The following FBXW2 variants were observed in gnomAD, a reference collection of about 807,000 sequenced individuals.
FBXW2 encodes the protein F-box/WD repeat-containing protein 2.
FBXW2 carries 12 observed loss-of-function variants against 46.0 expected under a neutral mutation model. The observed-to-expected ratio is 0.26, with a 90% CI of 0.17 to 0.42. The LOEUF is 0.42. FBXW2 is among the 10% of genes least tolerant of loss of function. FBXW2 has a pLI of 1.00. For synonymous variants in FBXW2, 203 were observed against 209.6 expected, an observed-to-expected ratio of 0.97 and a Z score of 0.27; for missense variants, 360 against 537.0, an observed-to-expected ratio of 0.67 and a Z score of 3.26.
At chr9:120,770,881 A>T (rs1332078409) in intron 7 of FBXW2, among the ~76,000 whole-genome samples, 1 of 152,160 alleles carries the variant, frequency 6.6e-6, no homozygotes, top group African/African-American at 2.4e-5. Flanking sequence ...TTGGAGGGAA[A>T]CCCTGCAAAT....
At chr9:120,772,060 GAAAAAAAAAAAAA>G (rs59520792) in intron 6 of FBXW2, among the ~76,000 whole-genome samples, 1 of 51,302 alleles carries the variant, frequency 1.9e-5, no homozygotes, top group African/African-American at 7.0e-5. Context: ...CCCTGTCTCA[GAAAAAAAAAAAAA>G]AAAAAAAAAA....
chr9:120,789,386 T>G (rs898687282), intron 2 of FBXW2, among the ~76,000 whole-genome samples: 1 of 152,228 alleles, frequency 6.6e-6, no homozygotes, highest in Admixed American at 6.5e-5. Flanking sequence ...TTTTAAAGTA[T>G]CCTGTATTAG....
intron 4 of FBXW2, among the ~76,000 whole-genome samples, chr9:120,776,907 G>T (rs2044508849): frequency 6.6e-6 from 1 of 152,068 alleles, no homozygotes; most frequent in South Asian, 2.1e-4. Context: ...GGAGGAGGAA[G>T]CCCAGAAAAA....
rs1266583732 is a variant in FBXW2, at chr9:120,757,287, C to T, written c.*7272G>A. 1 of 152,188 alleles carries T rather than the reference C, an allele frequency of 6.6e-6. No homozygotes were observed. The allele number at this position is 152,188 out of a possible 1,614,324, so 9.4% of individuals were successfully genotyped here. A position where few individuals can be genotyped will look rare whatever the true frequency, so the allele number is the denominator to read the frequency against. ...TTTCTTGACTCGGGCAGTGGTTAGA[C>T]AAGTGTTCACTTCATAACTATTCGA... On this transcript the variant is annotated 3_prime_UTR_variant, in exon 8 of 8. Transcript: ENST00000608872.
chr9:120,787,664 T>C (rs1345538347), intron 3 of FBXW2, 105 bp downstream of exon 3: 3 of 1,238,482 alleles, frequency 2.4e-6, no homozygotes, highest in Non-Finnish European at 3.4e-6. Context: ...ACTGTACATA[T>C]CTCATATAAT....
Position 120,779,208 on chromosome 9 carries a change from C to A in FBXW2, c.491-663G>T, listed in dbSNP as rs142372868. Among the ~76,000 whole-genome samples the A allele has an allele frequency of 5.8e-3, 884 of 152,282 alleles. 4 individuals carry two copies. The highest frequency in any genetic ancestry group is 9.0e-3 in the Non-Finnish European group (610 of 68,008). On this transcript the variant is annotated intron_variant, in intron 3 of 7. Transcript: ENST00000608872. ...AAGGGAAAAGTTGGCTTTATTTCTG[C>A]CTCTGATGAAAATTCTATACTAATC...
At chr9:120,784,342 T>G (rs570519225) in intron 3 of FBXW2, among the ~76,000 whole-genome samples, 1 of 152,286 alleles carries the variant, frequency 6.6e-6, no homozygotes, top group African/African-American at 2.4e-5. Context: ...CTAGGCATAG[T>G]GGCTCACACC....
chr9:120,781,829 C>A (rs1160150766), intron 3 of FBXW2, among the ~76,000 whole-genome samples: 2 of 151,792 alleles, frequency 1.3e-5, no homozygotes, highest in Admixed American at 1.3e-4. Context: ...TTGAGACCTG[C>A]CTTACCAACG....
chr9:120,790,792 G>A (rs781145360), intron 2 of FBXW2, among the ~76,000 whole-genome samples: 5 of 151,952 alleles, frequency 3.3e-5, no homozygotes, highest in African/African-American at 9.7e-5. Context: ...AAACCTGCAC[G>A]TTGTGCACAT....
At position 120,761,659 on chromosome 9, in the gene FBXW2, G is replaced by A. The variant is rs909197502; in HGVS notation, c.*2900C>T. On this transcript the variant is annotated 3_prime_UTR_variant, in exon 8 of 8. Transcript: ENST00000608872. ...TATGAATAAACCCAGCATCTATAAA[G>A]TAGTTGAATAAAATCTCAGGCCAAA... 2 of 152,140 alleles carry A rather than the reference G, an allele frequency of 1.3e-5. No individual in the cohort carries two copies. Among genetic ancestry groups the A allele is most frequent in the African/African-American group, 4.8e-5 (2 of 41,428 alleles). 9.4% of individuals were successfully genotyped at this position (152,140 alleles called of 1,614,324 possible). A position where few individuals can be genotyped will look rare whatever the true frequency, so the allele number is the denominator to read the frequency against.
chr9:120,779,186 G>A (rs1339437394), intron 3 of FBXW2, among the ~76,000 whole-genome samples: 3 of 152,150 alleles, frequency 2.0e-5, no homozygotes, highest in Admixed American at 6.5e-5. Context: ...GATTCTGAAG[G>A]GAAAAGTTGG....
At chr9:120,778,200 A>T in intron 4 of FBXW2, 151 bp downstream of exon 4, 1 of 744,938 alleles carries the variant, frequency 1.3e-6, no homozygotes, top group Non-Finnish European at 2.2e-6. Flanking sequence ...AAATAAGAGT[A>T]ACTAGAATAA....
rs1329512877 is a variant in FBXW2, at chr9:120,760,787, T to G, written c.*3772A>C. The G allele has an allele frequency of 6.6e-6, 1 of 152,244 alleles. No individual in the cohort carries two copies. Among genetic ancestry groups the G allele is most frequent in the Non-Finnish European group, 1.5e-5 (1 of 68,038 alleles). The allele number at this position is 152,244 out of a possible 1,614,324, so 9.4% of individuals were successfully genotyped here. The stretch of plus-strand genomic sequence containing the variant: ...AGGATCCACTATCCTTAGCTGATTC[T>G]GTTAGATCAAAATGCCTAATACAAA... On this transcript the variant is annotated 3_prime_UTR_variant, in exon 8 of 8. Coordinates refer to ENST00000608872, the MANE Select transcript of FBXW2 (RefSeq NM_012164.4).
At chr9:120,773,387 G>A (rs890781070) in intron 5 of FBXW2, among the ~76,000 whole-genome samples, 36 of 152,142 alleles carry the variant, frequency 2.4e-4, no homozygotes, top group African/African-American at 8.7e-4. Context: ...AAAAAGCACT[G>A]GACTTGGGAC....
intron 7 of FBXW2, among the ~76,000 whole-genome samples, chr9:120,770,697 C>T (rs1019742810): frequency 9.8e-5 from 15 of 152,296 alleles, no homozygotes; most frequent in African/African-American, 3.6e-4. Context: ...TTAGAGATGG[C>T]ACCACATCTT....
At position 120,793,183 on chromosome 9, in the gene FBXW2, C is replaced by G. The variant is rs1321369923; in HGVS notation, c.-55G>C. ...CGCCCCGGGGCCCGGGACCTCGCGC[C>G]GGGTTCACAGCTACTAGGCACGCTC... On this transcript the variant is annotated 5_prime_UTR_variant, in exon 2 of 8. Coordinates refer to ENST00000608872, the MANE Select transcript of FBXW2 (RefSeq NM_012164.4). 1.7e-6 allele frequency: 1 copy of G among 573,316 alleles called. No homozygotes were observed. Among genetic ancestry groups the G allele is most frequent in the Non-Finnish European group, 3.1e-6 (1 of 324,532 alleles). The allele number at this position is 573,316 out of a possible 1,614,324, so 35.5% of individuals were successfully genotyped here. A position where few individuals can be genotyped will look rare whatever the true frequency, so the allele number is the denominator to read the frequency against.
rs1439881631 is a variant in FBXW2 at position 120,760,792 on chromosome 9, G to A, written c.*3767C>T. ...CCACTATCCTTAGCTGATTCTGTTA[G>A]ATCAAAATGCCTAATACAAACAATT... On this transcript the variant is annotated 3_prime_UTR_variant, in exon 8 of 8. Transcript: ENST00000608872. The A allele has an allele frequency of 6.6e-6, 1 of 152,196 alleles. No homozygotes were observed. The highest frequency in any genetic ancestry group is 1.5e-5 in the Non-Finnish European group (1 of 68,032). 9.4% of individuals were successfully genotyped at this position (152,196 alleles called of 1,614,324 possible).
chr9:120,765,777 T>G (rs1015584816), intron 7 of FBXW2, among the ~76,000 whole-genome samples: 1 of 151,988 alleles, frequency 6.6e-6, no homozygotes, highest in Admixed American at 6.6e-5. Context: ...TAATAATAGA[T>G]TCATAAAAAG....
At chr9:120,769,649 T>C (rs1345360507) in intron 7 of FBXW2, among the ~76,000 whole-genome samples, 1 of 152,262 alleles carries the variant, frequency 6.6e-6, no homozygotes, top group Non-Finnish European at 1.5e-5. Context: ...TATTTTGCTT[T>C]ACAAAATATC....
Sources: allele counts gnomAD v4.1 joint callset (sites outside exome capture counted in the v4.1 genomes callset), GRCh38; gene constraint gnomAD v4.1.1; transcripts MANE v1.5; gene names NCBI Gene and HGNC (gene_info 2026-07-23, HGNC 2026-07-21).